The following COL8A1 variants were observed in gnomAD, a reference collection of about 807,000 sequenced individuals.
COL8A1 encodes collagen type VIII alpha 1 chain, also known as collagen alpha-1(VIII) chain.
A neutral mutation model predicts 42.7 loss-of-function variants in COL8A1; 21 were observed. The ratio of observed to expected loss-of-function variants is 0.49; its 90% CI spans 0.35 to 0.71. The LOEUF (loss-of-function observed/expected upper bound fraction) is 0.71. Among genes scored for constraint, COL8A1 ranks in the 30% least tolerant of loss-of-function variants. The pLI is 0.01. For missense variants in COL8A1, 788 were observed against 962.4 expected (o/e 0.82, Z 2.40); for synonymous variants, 367 against 369.1 (o/e 0.99, Z 0.06).
intron 1 of COL8A1, among the ~76,000 whole-genome samples, chr3:99,713,930 A>G (rs1413455633): frequency 6.6e-6 from 1 of 152,144 alleles, no homozygotes; most frequent in Non-Finnish European, 1.5e-5. Flanking sequence ...TTCCTATATA[A>G]AAACAGAATG....
At chr3:99,640,924 A>G (rs926851957) in intron 1 of COL8A1, among the ~76,000 whole-genome samples, 1 of 152,146 alleles carries the variant, frequency 6.6e-6, no homozygotes, top group Non-Finnish European at 1.5e-5. Context: ...ATTGAGGCAG[A>G]CTTGGGAGGA....
At chr3:99,738,144 T>A (rs1940787709) in intron 1 of COL8A1, among the ~76,000 whole-genome samples, 1 of 152,212 alleles carries the variant, frequency 6.6e-6, no homozygotes, top group Non-Finnish European at 1.5e-5. Flanking sequence ...TTTTCAAAGT[T>A]TTCAACTTCT....
At chr3:99,721,457 G>C (rs1940153218) in intron 1 of COL8A1, among the ~76,000 whole-genome samples, 1 of 148,660 alleles carries the variant, frequency 6.7e-6, no homozygotes, top group Non-Finnish European at 1.5e-5. Flanking sequence ...GGAAGGGAAG[G>C]ACAGGGAAGG....
At chr3:99,769,228 C>T (rs1269840847) in intron 2 of COL8A1, among the ~76,000 whole-genome samples, 1 of 152,234 alleles carries the variant, frequency 6.6e-6, no homozygotes, top group South Asian at 2.1e-4. Flanking sequence ...TGGCACCAAA[C>T]ACACTGCCTG....
chr3:99,739,639 C>A (rs1463650148), intron 1 of COL8A1, among the ~76,000 whole-genome samples: 1 of 152,210 alleles, frequency 6.6e-6, no homozygotes, highest in Non-Finnish European at 1.5e-5. Context: ...CCAAGCTGTA[C>A]CTTGGCCCCT....
At chr3:99,760,213 T>C (rs899028437) in intron 2 of COL8A1, among the ~76,000 whole-genome samples, 1 of 152,188 alleles carries the variant, frequency 6.6e-6, no homozygotes, top group African/African-American at 2.4e-5. Flanking sequence ...CAGACCTGGG[T>C]TGGCTTCATT....
Position 99,794,236 on chromosome 3 carries a change from C to A in COL8A1, c.335C>A (p.Pro112Gln). Residue 112 changes from proline to glutamine, a missense_variant, in exon 4 of 4, where the codon CCA becomes CAA. Pro to Gln is a moderately conservative substitution (Grantham distance 76). Transcript: ENST00000652472. This position sits in a 1 kb window ranked among gnomAD's most constrained non-coding sequence, Gnocchi z 4.3. ...EAVPKKGKEI[P>Q]LASLRGEQGP... ...TCTCTTCTCTTCCCAGTAGAAATAC[C>A]ATTAGCCAGTTTACGAGGGGAACAA... 2 of 1,573,750 alleles carry A rather than the reference C, an allele frequency of 1.3e-6. No individual in the cohort carries two copies. The highest frequency in any genetic ancestry group is 1.2e-5 in the South Asian group (1 of 84,676).
chr3:99,685,066 C>T (rs2107327170), intron 1 of COL8A1, among the ~76,000 whole-genome samples: 2 of 152,216 alleles, frequency 1.3e-5, no homozygotes, highest in South Asian at 2.1e-4. Context: ...ATTTTAGTAC[C>T]TCATTCTGAG....
At chr3:99,686,207 T>C (rs1403039343) in intron 1 of COL8A1, among the ~76,000 whole-genome samples, 1 of 152,232 alleles carries the variant, frequency 6.6e-6, no homozygotes, top group African/African-American at 2.4e-5. Flanking sequence ...TTACCATTAG[T>C]TACATTTTTT....
In COL8A1 at chr3:99,798,104, T is replaced by A. The variant is rs1942134873; in HGVS notation, c.*1968T>A. 6.6e-6 allele frequency: 1 copy of A among 152,160 alleles called. No individual in the cohort carries two copies. 9.4% of individuals were successfully genotyped at this position (152,160 alleles called of 1,614,324 possible). On this transcript the variant is annotated 3_prime_UTR_variant, in exon 4 of 4. Transcript: ENST00000652472. Reference sequence around the variant, plus strand: ...TACGGTATGAAAACACATGGAAATGTGTCTTTGTCAAATCTGAATCATTAT... The same window carrying A: ...TACGGTATGAAAACACATGGAAATGAGTCTTTGTCAAATCTGAATCATTAT...
At chr3:99,679,914 T>A (rs1273924894) in intron 1 of COL8A1, 1 of 152,170 alleles carries the variant, frequency 6.6e-6, no homozygotes, top group Non-Finnish European at 1.5e-5. Flanking sequence ...ATTCCTGAGT[T>A]ACTTCATTAG....
At chr3:99,749,783 G>T (rs1441139701) in intron 2 of COL8A1, among the ~76,000 whole-genome samples, 1 of 152,012 alleles carries the variant, frequency 6.6e-6, no homozygotes, top group African/African-American at 2.4e-5. Flanking sequence ...TGGAAGAAGA[G>T]GTGCTGAAAT....
intron 2 of COL8A1, among the ~76,000 whole-genome samples, chr3:99,750,056 T>A (rs1315430594): frequency 7.5e-6 from 1 of 134,174 alleles, no homozygotes; most frequent in African/African-American, 2.8e-5. Flanking sequence ...CTTCTTTTTT[T>A]TTTTTTTTTT....
intron 1 of COL8A1, among the ~76,000 whole-genome samples, chr3:99,691,180 G>T (rs146131465): frequency 6.6e-6 from 1 of 152,242 alleles, no homozygotes; most frequent in Non-Finnish European, 1.5e-5. Context: ...TTGTGAAAGT[G>T]AATGAGATAA....
At chr3:99,773,745 C>T (rs1298760519) in intron 2 of COL8A1, among the ~76,000 whole-genome samples, 1 of 136,114 alleles carries the variant, frequency 7.3e-6, no homozygotes, top group East Asian at 2.2e-4. Context: ...GCATTGATAA[C>T]TATGCAGGGG....
At chr3:99,788,999 T>C (rs1298869506) in intron 2 of COL8A1, among the ~76,000 whole-genome samples, 1 of 152,198 alleles carries the variant, frequency 6.6e-6, no homozygotes, top group African/African-American at 2.4e-5. Context: ...CCACCAGCCA[T>C]ATTATATTCA....
At chr3:99,655,008 G>A (rs915469308) in intron 1 of COL8A1, among the ~76,000 whole-genome samples, 1 of 152,074 alleles carries the variant, frequency 6.6e-6, no homozygotes, top group Non-Finnish European at 1.5e-5. Context: ...CAAGCCCTGT[G>A]CTAGATGCCA....
At chr3:99,657,010 C>T (rs905596342) in intron 1 of COL8A1, among the ~76,000 whole-genome samples, 24 of 152,172 alleles carry the variant, frequency 1.6e-4, no homozygotes, top group African/African-American at 4.8e-4. Context: ...TCTGTACTTT[C>T]TTTTATCAGA....
intron 2 of COL8A1, among the ~76,000 whole-genome samples, chr3:99,786,063 A>T (rs1020905594): frequency 2.0e-5 from 3 of 152,172 alleles, no homozygotes; most frequent in African/African-American, 7.2e-5. Context: ...CCTTCAACTA[A>T]CATTGTAGTA....
Sources: gnomAD v4.1 joint callset for allele counts (sites outside exome capture counted in the v4.1 genomes callset) on GRCh38, gnomAD v4.1.1 for gene constraint, Gnocchi (gnomAD v3.1) non-coding constraint, MANE v1.5 for transcripts, NCBI Gene and HGNC (gene_info 2026-07-23, HGNC 2026-07-21) for gene names.